Variants in DPP10 observed in about 807,000 individuals in gnomAD.
The protein encoded by DPP10 is dipeptidyl peptidase like 10, also known as inactive dipeptidyl peptidase 10.
In DPP10, 33 loss-of-function variants were observed where a neutral mutation model predicts 120.9. The ratio of observed to expected loss-of-function variants is 0.27; its 90% CI spans 0.21 to 0.37. The LOEUF is 0.37. Ranked by LOEUF, DPP10 falls within the 10% of genes least tolerant of loss-of-function variation. DPP10 has a pLI of 1.00. For missense variants in DPP10, 816 were observed against 942.8 expected (o/e 0.87, Z 1.76); for synonymous variants, 337 against 326.1 (o/e 1.03, Z -0.36).
chr2:115,234,731 A>G (rs1263035900), intron 1 of DPP10: 2 of 152,208 alleles, frequency 1.3e-5, no homozygotes. Context: ...AACTGTTCTG[A>G]AATATATAAT....
intron 3 of DPP10, among the ~76,000 whole-genome samples, chr2:115,414,460 T>C (rs1220199601): frequency 1.3e-5 from 2 of 152,188 alleles, no homozygotes. Flanking sequence ...ATTAATACTA[T>C]TTAAATGAAT....
At chr2:115,815,536 CT>C (rs1687129487) in intron 20 of DPP10, 138 bp from the exon 21 acceptor site, 2 of 689,732 alleles carry the variant, frequency 2.9e-6, no homozygotes, top group Non-Finnish European at 4.5e-6. Context: ...GTATATGACC[CT>C]AATACATGAA....
At chr2:115,164,461 T>C (rs1221217093) in intron 1 of DPP10, among the ~76,000 whole-genome samples, 1 of 152,116 alleles carries the variant, frequency 6.6e-6, no homozygotes, top group Admixed American at 6.6e-5. Context: ...AAAAGATTCA[T>C]AAATTTAAAT....
chr2:115,649,196 A>T (rs1009555815), intron 5 of DPP10, among the ~76,000 whole-genome samples: 2 of 152,142 alleles, frequency 1.3e-5, no homozygotes, highest in Admixed American at 1.3e-4. Context: ...ACTAATGCTT[A>T]TAAATGGCTC....
chr2:115,445,400 T>A (rs1201439522), intron 3 of DPP10, among the ~76,000 whole-genome samples: 1 of 152,168 alleles, frequency 6.6e-6, no homozygotes, highest in Non-Finnish European at 1.5e-5. Flanking sequence ...TGGAAAAATT[T>A]GGAACTTTCT....
intron 1 of DPP10, among the ~76,000 whole-genome samples, chr2:114,987,239 A>G (rs1227687500): frequency 2.6e-5 from 4 of 152,156 alleles, no homozygotes; most frequent in Non-Finnish European, 4.4e-5. Flanking sequence ...TTTTCCAACC[A>G]TATCTCTACT....
At chr2:115,551,505 T>A (rs2079871128) in intron 5 of DPP10, among the ~76,000 whole-genome samples, 1 of 152,100 alleles carries the variant, frequency 6.6e-6, no homozygotes, top group Non-Finnish European at 1.5e-5. Context: ...TGCTGCTAAT[T>A]TTTGACTTTC....
At chr2:114,498,301 C>G (rs1279048948) in intron 1 of DPP10, among the ~76,000 whole-genome samples, 1 of 152,084 alleles carries the variant, frequency 6.6e-6, no homozygotes, top group African/African-American at 2.4e-5. Context: ...ACCCTTTGAA[C>G]AACAGCTCCC....
chr2:115,291,236 T>G (rs190512170), intron 1 of DPP10, among the ~76,000 whole-genome samples: 1 of 152,200 alleles, frequency 6.6e-6, no homozygotes, highest in East Asian at 1.9e-4. Context: ...GCTCCTGTGC[T>G]CAAGCAATTC....
chr2:115,616,856 T>A (rs2084543253), intron 5 of DPP10, among the ~76,000 whole-genome samples: 1 of 152,066 alleles, frequency 6.6e-6, no homozygotes, highest in Non-Finnish European at 1.5e-5. Context: ...TCAACCACCG[T>A]CTCATGCTAC....
At chr2:115,355,703 T>G (rs1185961151) in intron 3 of DPP10, among the ~76,000 whole-genome samples, 1 of 152,218 alleles carries the variant, frequency 6.6e-6, no homozygotes, top group Non-Finnish European at 1.5e-5. Context: ...TATATTTAAG[T>G]CTTAAATCCA....
chr2:114,995,279 G>A (rs188771515), intron 1 of DPP10, among the ~76,000 whole-genome samples: 2 of 152,250 alleles, frequency 1.3e-5, no homozygotes, highest in Admixed American at 6.5e-5. Context: ...AACCAATATG[G>A]TTGCTTTGCC....
intron 1 of DPP10, among the ~76,000 whole-genome samples, chr2:114,656,666 C>T (rs954514239): frequency 2.0e-5 from 3 of 152,110 alleles, no homozygotes; most frequent in African/African-American, 4.8e-5. Flanking sequence ...ACAAAACTTC[C>T]GTTTATACTG....
chr2:114,824,261 G>A (rs979786018), intron 1 of DPP10, among the ~76,000 whole-genome samples: 7 of 152,116 alleles, frequency 4.6e-5, no homozygotes, highest in Admixed American at 2.6e-4. Flanking sequence ...GTGTAGAGAT[G>A]CTAATTCTAC....
In DPP10 at chr2:115,617,402, G is replaced by A. The variant is rs933072727; in HGVS notation, c.442-72285G>A. 3.3e-5 allele frequency among the ~76,000 whole-genome samples: 5 copies of A among 149,608 alleles called. No individual in the cohort carries two copies. In the East Asian group the frequency reaches 9.8e-4, roughly 29 times the overall value. Reference sequence around the variant, plus strand: ...CGAATGAAGAATGCATAACAAGAATGGAGCAATGCATTTAAAATATAAATA... The same window carrying A: ...CGAATGAAGAATGCATAACAAGAATAGAGCAATGCATTTAAAATATAAATA... On this transcript the variant is annotated intron_variant, in intron 5 of 25. Coordinates refer to ENST00000410059, the MANE Select transcript of DPP10 (RefSeq NM_020868.6).
At chr2:115,740,656 A>C (rs1463023400) in intron 9 of DPP10, among the ~76,000 whole-genome samples, 3 of 152,112 alleles carry the variant, frequency 2.0e-5, no homozygotes, top group Non-Finnish European at 2.9e-5. Context: ...AACTATTTTC[A>C]AGTGTTGGGC....
At chr2:115,803,405 T>G (rs1219558130) in intron 19 of DPP10, among the ~76,000 whole-genome samples, 4 of 152,224 alleles carry the variant, frequency 2.6e-5, no homozygotes, top group African/African-American at 9.6e-5. Context: ...TCTGTGCCTT[T>G]TAATTGGAGC....
At chr2:115,337,715 G>T (rs534457537) in intron 2 of DPP10, among the ~76,000 whole-genome samples, 2 of 148,474 alleles carry the variant, frequency 1.3e-5, no homozygotes, top group African/African-American at 4.9e-5. Context: ...AGCCTTGGAG[G>T]CTATTAAAAG....
intron 1 of DPP10, among the ~76,000 whole-genome samples, chr2:114,696,427 G>A (rs72955659): frequency 0.013 from 1,935 of 152,134 alleles, 53 homozygotes; most frequent in African/African-American, 0.045. Context: ...TGAGAGACAA[G>A]CAATAGTCCT....
Sources: gnomAD v4.1 joint callset for allele counts (sites outside exome capture counted in the v4.1 genomes callset) on GRCh38, gnomAD v4.1.1 for gene constraint, MANE v1.5 for transcripts, NCBI Gene and HGNC (gene_info 2026-07-23, HGNC 2026-07-21) for gene names.